Variants in FNBP1 observed in about 807,000 individuals in gnomAD.
FNBP1 encodes formin-binding protein 1.
In FNBP1, 26 loss-of-function variants were observed where a neutral mutation model predicts 90.6. The observed-to-expected ratio is 0.29, with a 90% CI of 0.21 to 0.40. The LOEUF is 0.40. Ranked by LOEUF, FNBP1 falls within the 10% of genes least tolerant of loss-of-function variation. The probability of loss-of-function intolerance (pLI) is 1.00; values close to 1 mark genes in which losing one functional copy is unlikely to be tolerated. For synonymous variants in FNBP1, 260 were observed against 265.2 expected, an observed-to-expected ratio of 0.98 and a Z score of 0.19; for missense variants, 635 against 768.0, an observed-to-expected ratio of 0.83 and a Z score of 2.05.
At chr9:129,902,266 C>T (rs564582704) in intron 13 of FNBP1, among the ~76,000 whole-genome samples, 9 of 152,040 alleles carry the variant, frequency 5.9e-5, no homozygotes, top group African/African-American at 2.2e-4. Context: ...ATTTTATTAC[C>T]ATGAGATGAA....
At chr9:129,968,448 T>C (rs776029275) in intron 4 of FNBP1, among the ~76,000 whole-genome samples, 54 of 151,234 alleles carry the variant, frequency 3.6e-4, no homozygotes, top group Non-Finnish European at 6.6e-4. Context: ...AGCTAGATTA[T>C]ATACATAAAC....
chr9:130,019,851 C>T (rs753765356), intron 1 of FNBP1, among the ~76,000 whole-genome samples: 2 of 152,098 alleles, frequency 1.3e-5, no homozygotes, highest in Admixed American at 6.5e-5. Flanking sequence ...AGCCACCGCG[C>T]CCGGCCCACA....
intron 7 of FNBP1, among the ~76,000 whole-genome samples, chr9:129,928,239 A>G (rs1340554894): frequency 6.6e-6 from 1 of 152,258 alleles, no homozygotes; most frequent in African/African-American, 2.4e-5. Context: ...AATCCAAAAG[A>G]AAGAACTGTC....
At chr9:129,945,453 A>T (rs1368257370) in intron 6 of FNBP1, among the ~76,000 whole-genome samples, 1 of 152,258 alleles carries the variant, frequency 6.6e-6, no homozygotes, top group Non-Finnish European at 1.5e-5. Flanking sequence ...ATTTTAGAAG[A>T]AACAGAAACG....
rs1488994849 is a variant in FNBP1, at chr9:129,890,255, T to A, written c.*284A>T. The A allele has an allele frequency of 1.6e-5, 8 of 515,306 alleles. No individual in the cohort carries two copies. The highest frequency in any genetic ancestry group is 1.1e-4 in the South Asian group (4 of 35,672). The allele number at this position is 515,306 out of a possible 1,614,324, so 31.9% of individuals were successfully genotyped here. On this transcript the variant is annotated 3_prime_UTR_variant, in exon 17 of 17. Coordinates refer to ENST00000446176, the MANE Select transcript of FNBP1 (RefSeq NM_015033.3). This position sits in a 1 kb window ranked among gnomAD's most constrained non-coding sequence, Gnocchi z 5.8. Reference sequence around the variant, plus strand: ...AGGAAGGAGCAGGTAGGGGCGTGTGTCCCACCGTCTCAGTGGCCTGCGCGG... The same window carrying A: ...AGGAAGGAGCAGGTAGGGGCGTGTGACCCACCGTCTCAGTGGCCTGCGCGG...
intron 15 of FNBP1, 131 bp downstream of exon 15, chr9:129,899,826 GGGAAGGTA>G (rs1248287970): frequency 3.0e-6 from 2 of 662,254 alleles, no homozygotes; most frequent in East Asian, 3.0e-5. Flanking sequence ...GGAAGGGGAA[GGGAAGGTA>G]GGAAGGAAGG....
chr9:130,011,927 G>C (rs796963649), intron 1 of FNBP1, among the ~76,000 whole-genome samples: 1 of 152,146 alleles, frequency 6.6e-6, no homozygotes, highest in Non-Finnish European at 1.5e-5. Context: ...AAATCAAGAT[G>C]CAAAGGTCAA....
chr9:129,899,777 G>A (rs1012169960), intron 15 of FNBP1, among the ~76,000 whole-genome samples, 188 bp downstream of exon 15: 7 of 140,608 alleles, frequency 5.0e-5, no homozygotes, highest in African/African-American at 1.1e-4. Flanking sequence ...GAAGGGAAGG[G>A]AGGGAAGGGA....
intron 1 of FNBP1, among the ~76,000 whole-genome samples, chr9:130,035,583 T>C (rs1004145315): frequency 3.3e-4 from 50 of 152,318 alleles, no homozygotes; most frequent in African/African-American, 1.2e-3. Context: ...TGTAAACACT[T>C]TGTCCAGCAC....
chr9:129,974,639 C>A (rs555085144), intron 4 of FNBP1, among the ~76,000 whole-genome samples: 1 of 152,058 alleles, frequency 6.6e-6, no homozygotes, highest in East Asian at 1.9e-4. Context: ...GTGAGAAAAT[C>A]GCCTGAACCC....
At chr9:129,922,133 C>A (rs936269283) in intron 10 of FNBP1, among the ~76,000 whole-genome samples, 1 of 151,482 alleles carries the variant, frequency 6.6e-6, no homozygotes, top group Non-Finnish European at 1.5e-5. Flanking sequence ...GGCCACTGGG[C>A]CCAGTCTAAA....
At chr9:129,897,189 C>T (rs919418417) in intron 15 of FNBP1, among the ~76,000 whole-genome samples, 20 of 152,154 alleles carry the variant, frequency 1.3e-4, no homozygotes, top group Non-Finnish European at 2.6e-4. Flanking sequence ...CCTTTTTGTT[C>T]CTGGCTTTTG....
In FNBP1 at chr9:129,888,521, C is replaced by A. The variant is rs781394158; in HGVS notation, c.*2018G>T. 12 of 232,706 alleles carry A rather than the reference C, an allele frequency of 5.2e-5. No homozygotes were observed. The highest frequency in any genetic ancestry group is 8.5e-5 in the Non-Finnish European group (10 of 117,756). 14.4% of individuals were successfully genotyped at this position (232,706 alleles called of 1,614,324 possible). Reference sequence around the variant, plus strand: ...TTCGTCTGTCAAGTCAGTCCTCCTGCGTGACTGATGGGTGCACCACGCTTA... The same window carrying A: ...TTCGTCTGTCAAGTCAGTCCTCCTGAGTGACTGATGGGTGCACCACGCTTA... On this transcript the variant is annotated 3_prime_UTR_variant, in exon 17 of 17. Transcript: ENST00000446176.
At chr9:129,978,205 G>A (rs1469552624) in intron 4 of FNBP1, 1 of 260,522 alleles carries the variant, frequency 3.8e-6, no homozygotes, top group East Asian at 8.5e-5. Context: ...ATTTTTAGTA[G>A]AGATGGGGTT....
At chr9:129,962,820 G>A (rs1463813645) in intron 4 of FNBP1, among the ~76,000 whole-genome samples, 5 of 152,160 alleles carry the variant, frequency 3.3e-5, no homozygotes, top group African/African-American at 1.2e-4. Flanking sequence ...CAGGGTTAGG[G>A]AAACTCTGGA....
At chr9:129,947,407 T>C (rs1242424487) in intron 6 of FNBP1, among the ~76,000 whole-genome samples, 1 of 135,660 alleles carries the variant, frequency 7.4e-6, no homozygotes, top group Non-Finnish European at 1.6e-5. Context: ...GCCATTGCAC[T>C]CCAGCCTGGG....
At chr9:129,895,412 G>A (rs905508484) in intron 16 of FNBP1, 1 of 1,095,138 alleles carries the variant, frequency 9.1e-7, no homozygotes, top group Non-Finnish European at 1.1e-6. Flanking sequence ...ACCTAATGTA[G>A]CTCAGTGTAT....
At chr9:129,938,035 G>A (rs563118121) in intron 6 of FNBP1, among the ~76,000 whole-genome samples, 7 of 152,108 alleles carry the variant, frequency 4.6e-5, no homozygotes, top group Non-Finnish European at 7.4e-5. Flanking sequence ...GTGGTGGTGC[G>A]TGCCTGTAGT....
intron 6 of FNBP1, among the ~76,000 whole-genome samples, chr9:129,952,768 T>C (rs1444524670): frequency 2.0e-5 from 3 of 152,164 alleles, no homozygotes; most frequent in African/African-American, 7.2e-5. Flanking sequence ...AATAACTCCA[T>C]AATAAAAGAG....
Sources: gnomAD v4.1 joint callset for allele counts (sites outside exome capture counted in the v4.1 genomes callset) on GRCh38, gnomAD v4.1.1 for gene constraint, Gnocchi (gnomAD v3.1) non-coding constraint, MANE v1.5 for transcripts, NCBI Gene and HGNC (gene_info 2026-07-23, HGNC 2026-07-21) for gene names.